STON1: variants seen among roughly 807,000 people sequenced by gnomAD.
STON1 encodes the protein stonin 1.
A neutral mutation model predicts 60.9 loss-of-function variants in STON1; 79 were observed. That is an observed-to-expected ratio of 1.30 (90% CI 1.08 to 1.56). The LOEUF is 1.56. Among genes scored for constraint, STON1 ranks in the 40% most tolerant of loss-of-function variants. The probability of loss-of-function intolerance (pLI) is 0.00; values close to 1 mark genes in which losing one functional copy is unlikely to be tolerated. For synonymous variants in STON1, 363 were observed against 306.9 expected (o/e 1.18, Z -1.91); for missense variants, 1,166 against 858.9 (o/e 1.36, Z -4.47).
At chr2:48,564,583 TCCTCCTCCTCCTCCTC>T (rs1672836695) in intron 1 of STON1, among the ~76,000 whole-genome samples, 3 of 64,870 alleles carry the variant, frequency 4.6e-5, no homozygotes, top group South Asian at 5.7e-4. Context: ...CTCCTTCTCC[TCCTCCTCCTCCTCCTC>T]CTCCTTCTCC....
At position 48,554,732 on chromosome 2, in the gene STON1, T is replaced by TTATTTATTTATTTATTTATA. The variant is rs1558589179; in HGVS notation, c.-48+24525_-48+24526insATTTATTTATATATTTATTT. ...ATTTTTTTTTTTTTTTTTTATTTATTTATTTATTTTTTTATTGATAATTCT... is the reference window on the plus strand; with the variant it reads ...ATTTTTTTTTTTTTTTTTTATTTATTTATTTATTTATTTATTTATATATTTATTTTTTTATTGATAATTCT... On this transcript the variant is annotated intron_variant, in intron 1 of 3. Transcript: ENST00000404752. Among the ~76,000 whole-genome samples the TTATTTATTTATTTATTTATA allele has an allele frequency of 1.1e-3, 74 of 68,564 alleles. 10 individuals are homozygous for TTATTTATTTATTTATTTATA. The highest frequency in any genetic ancestry group is 3.5e-3 in the African/African-American group (69 of 19,560). The allele number at this position is 68,564 out of a possible 152,430, so 45.0% of individuals were successfully genotyped here.
intron 1 of STON1, among the ~76,000 whole-genome samples, chr2:48,576,843 A>G (rs1182406241): frequency 2.0e-5 from 3 of 151,216 alleles, no homozygotes; most frequent in Non-Finnish European, 4.4e-5. Context: ...GCACAAGTTC[A>G]GGAGATTGAG....
chr2:48,588,311 T>C (rs1158989358), intron 2 of STON1, among the ~76,000 whole-genome samples: 1 of 152,240 alleles, frequency 6.6e-6, no homozygotes, highest in Non-Finnish European at 1.5e-5. Context: ...AAAAGCTCTT[T>C]AAAATTTTAT....
chr2:48,575,592 G>A (rs185427533), intron 1 of STON1, among the ~76,000 whole-genome samples: 7 of 152,014 alleles, frequency 4.6e-5, no homozygotes, highest in African/African-American at 1.7e-4. Context: ...GGCAGAGGTT[G>A]CGGTGAGCCG....
rs566087730 is a variant in STON1 at position 48,561,125 on chromosome 2, C to G, written c.-47-19462C>G. Among the ~76,000 whole-genome samples the G allele has an allele frequency of 9.9e-4, 151 of 152,324 alleles. 1 individual carries two copies. The highest frequency in any genetic ancestry group is 2.5e-3 in the Admixed American group (38 of 15,300). On this transcript the variant is annotated intron_variant, in intron 1 of 3. Coordinates refer to ENST00000404752, the MANE Select transcript of STON1 (RefSeq NM_006873.4). Reference sequence around the variant, plus strand: ...GCTGAAAGACCTCCACTCTCTACCTCTAGCCCTTGGTTTTCTCTCTGGATA... The same window carrying G: ...GCTGAAAGACCTCCACTCTCTACCTGTAGCCCTTGGTTTTCTCTCTGGATA...
chr2:48,576,679 A>G (rs548398781), intron 1 of STON1, among the ~76,000 whole-genome samples: 2 of 152,068 alleles, frequency 1.3e-5, no homozygotes, highest in Admixed American at 1.3e-4. Context: ...TACTTTGCCA[A>G]TTACTAAATT....
intron 1 of STON1, among the ~76,000 whole-genome samples, chr2:48,540,989 C>T (rs1343748722): frequency 6.6e-6 from 1 of 152,114 alleles, no homozygotes; most frequent in Non-Finnish European, 1.5e-5. Context: ...ATATTTCTAC[C>T]CAATCCGTCA....
chr2:48,551,459 C>A (rs1302891397), intron 1 of STON1, among the ~76,000 whole-genome samples: 1 of 152,232 alleles, frequency 6.6e-6, no homozygotes, highest in Non-Finnish European at 1.5e-5. Context: ...TGCCCCTGGC[C>A]TTGTCTTGTT....
chr2:48,544,071 G>T (rs1671764433), intron 1 of STON1, among the ~76,000 whole-genome samples: 2 of 152,108 alleles, frequency 1.3e-5, no homozygotes. Context: ...TCATTTATCT[G>T]GGCCCTGTGG....
Position 48,582,204 on chromosome 2 carries a change from A to G in STON1, c.1571A>G (p.Asp524Gly), listed in dbSNP as rs746038576. 1 of 1,614,176 alleles carries G rather than the reference A, an allele frequency of 6.2e-7. No individual in the cohort carries two copies. The highest frequency in any genetic ancestry group is 1.7e-5 in the Admixed American group (1 of 60,012). ...CGTTTCAAGACTTTGTATAATGGGG[A>G]TAATCTTCCCTTTTCCTTGAAGTCT... ...LMRFKTLYNG[D>G]NLPFSLKSVV... The change falls in exon 2 of 4, where the codon GAT becomes GGT. Residue 524 changes from aspartate to glycine, a missense_variant. By Grantham distance (94) the Asp-to-Gly change is moderately conservative (BLOSUM62 -1). Coordinates refer to ENST00000404752, the MANE Select transcript of STON1 (RefSeq NM_006873.4).
chr2:48,587,778 C>T (rs562660155), intron 2 of STON1, among the ~76,000 whole-genome samples: 7 of 152,196 alleles, frequency 4.6e-5, no homozygotes, highest in African/African-American at 1.7e-4. Flanking sequence ...ATTCACTGAA[C>T]AAATCCTTTG....
At chr2:48,530,836 C>G (rs149414892) in intron 1 of STON1, 2,573 of 152,402 alleles carry the variant, frequency 0.017, 34 homozygotes, top group South Asian at 0.047. Context: ...GCAGGTATGA[C>G]CATTCACTGG....
chr2:48,576,185 C>CTTTT (rs34849002), intron 1 of STON1, among the ~76,000 whole-genome samples: 2,214 of 63,022 alleles, frequency 0.035, 211 homozygotes, highest in African/African-American at 0.065. Flanking sequence ...GTTTTCCTTT[C>CTTTT]TTTTTTTTTT....
chr2:48,532,239 C>T (rs1558558977), intron 1 of STON1, among the ~76,000 whole-genome samples: 3 of 151,892 alleles, frequency 2.0e-5, no homozygotes. Context: ...TTCCCAGCTA[C>T]TTGGGAGGTT....
chr2:48,579,501 T>C (rs898769534), intron 1 of STON1, among the ~76,000 whole-genome samples: 2 of 152,228 alleles, frequency 1.3e-5, no homozygotes, highest in Non-Finnish European at 2.9e-5. Flanking sequence ...AAGAGTATGT[T>C]AATTTTCAAA....
intron 1 of STON1, among the ~76,000 whole-genome samples, chr2:48,536,477 G>A (rs1271424618): frequency 6.6e-6 from 1 of 151,028 alleles, no homozygotes; most frequent in Non-Finnish European, 1.5e-5. Context: ...GAACCTGGGA[G>A]GCGGAGGTTG....
In STON1 at chr2:48,595,659, T is replaced by A. The variant is rs1674756117; in HGVS notation, c.*357T>A. The A allele has an allele frequency of 2.3e-5, 6 of 263,274 alleles. No homozygotes were observed. The South Asian group carries it at 2.8e-4, about 12-fold the overall frequency. The allele number at this position is 263,274 out of a possible 1,614,324, so 16.3% of individuals were successfully genotyped here. A position where few individuals can be genotyped will look rare whatever the true frequency, so the allele number is the denominator to read the frequency against. On this transcript the variant is annotated 3_prime_UTR_variant, in exon 4 of 4. Coordinates refer to ENST00000404752, the MANE Select transcript of STON1 (RefSeq NM_006873.4). ...TGGATTACTGAGGTGCCGTCTTCAT[T>A]TCTTCCCATCTCTTCTTGCTGCTTA...
At position 48,546,270 on chromosome 2, in the gene STON1, C is replaced by G. The variant is rs116603243; in HGVS notation, c.-48+16054C>G. On this transcript the variant is annotated intron_variant, in intron 1 of 3. Transcript: ENST00000404752. ...CGTGAGACAGAATGGCTTCTTCGAC[C>G]TCACTTGCCTGTAGTTCTCTCCCTG... 6.5e-3 allele frequency among the ~76,000 whole-genome samples: 985 copies of G among 152,310 alleles called. 3 individuals are homozygous for G. Among genetic ancestry groups the G allele is most frequent in the African/African-American group, 8.1e-3 (337 of 41,558 alleles).
At chr2:48,568,379 C>A (rs1483444300) in intron 1 of STON1, among the ~76,000 whole-genome samples, 2 of 152,158 alleles carry the variant, frequency 1.3e-5, no homozygotes, top group African/African-American at 2.4e-5. Flanking sequence ...CTGACTTCAA[C>A]AATCTACAGG....
Sources: allele counts gnomAD v4.1 joint callset (sites outside exome capture counted in the v4.1 genomes callset), GRCh38; gene constraint gnomAD v4.1.1; transcripts MANE v1.5; gene names NCBI Gene and HGNC (gene_info 2026-07-23, HGNC 2026-07-21).